The following ZFPM1 variants were observed in gnomAD, a reference collection of about 807,000 sequenced individuals.
The protein encoded by ZFPM1 is zinc finger protein, FOG family member 1, also known as zinc finger protein ZFPM1.
In ZFPM1, 28 loss-of-function variants were observed where a neutral mutation model predicts 46.3. The ratio of observed to expected loss-of-function variants is 0.60; its 90% CI spans 0.45 to 0.83. The LOEUF (loss-of-function observed/expected upper bound fraction) is 0.83, where lower values mean the gene tolerates loss of function less well. Among genes scored for constraint, ZFPM1 ranks in the 40% least tolerant of loss-of-function variants. The pLI is 0.00. For missense variants in ZFPM1, 1,878 were observed against 1,432.4 expected, an observed-to-expected ratio of 1.31 and a Z score of -5.02; for synonymous variants, 957 against 675.9, an observed-to-expected ratio of 1.42 and a Z score of -6.45.
intron 4 of ZFPM1, among the ~76,000 whole-genome samples, chr16:88,523,373 C>T (rs900188997): frequency 5.9e-5 from 9 of 152,184 alleles, no homozygotes; most frequent in African/African-American, 1.2e-4. Context: ...GACCCGTGCC[C>T]GGCCAGCCCC....
intron 1 of ZFPM1, among the ~76,000 whole-genome samples, chr16:88,482,837 G>A (rs1260607203): frequency 6.6e-6 from 1 of 152,224 alleles, no homozygotes; most frequent in Admixed American, 6.5e-5. Context: ...GCCGGGCTGA[G>A]CTGATCGTTC....
chr16:88,478,849 A>C (rs17175810), intron 1 of ZFPM1, among the ~76,000 whole-genome samples: 70,727 of 152,080 alleles, frequency 0.47, 18,321 homozygotes, highest in African/African-American at 0.7. Context: ...TGGGTTTAAG[A>C]AGCCAGGTGA....
Position 88,461,045 on chromosome 16 carries a change from GCGGGAGGCCC to G in ZFPM1, c.40+7368_40+7377del. On this transcript the variant is annotated intron_variant, in intron 1 of 9. Transcript: ENST00000319555. Reference sequence around the variant, plus strand: ...CGGGAGGCCTGGTGAGGACCGAGGGGCGGGAGGCCCTGGTGAGGACCCAGGGGCAGAAGGT... The same window carrying G: ...CGGGAGGCCTGGTGAGGACCGAGGGGTGGTGAGGACCCAGGGGCAGAAGGT... Among the ~76,000 whole-genome samples the G allele has an allele frequency of 2.5e-5, 3 of 121,948 alleles. 1 individual carries two copies. The highest frequency in any genetic ancestry group is 1.0e-4 in the African/African-American group (3 of 28,840). The allele number at this position is 121,948 out of a possible 152,430, so 80.0% of individuals were successfully genotyped here.
In ZFPM1 at chr16:88,532,173, C is replaced by A. The variant is rs772973552; in HGVS notation, c.884C>A (p.Pro295His). ...CCCAACGAGCGCGTCTGCCCCTTCC[C>A]CCAGTGCCGCAAGAGCTGCCCCAGC... is the stretch of plus-strand genomic sequence containing the variant. ...TYPNERVCPFPQCRKSCPSAS... is the reference protein window; with the variant it reads ...TYPNERVCPFHQCRKSCPSAS... Residue 295 changes from proline to histidine, a missense_variant, in exon 7 of 10, where the codon CCC becomes CAC. Pro to His is a moderately conservative substitution (Grantham distance 77, BLOSUM62 -2). Transcript: ENST00000319555. 3 of 1,611,934 alleles carry A rather than the reference C, an allele frequency of 1.9e-6. No homozygotes were observed. In the Admixed American group the frequency reaches 5.0e-5, roughly 27 times the overall value.
Position 88,533,375 on chromosome 16 carries a change from GC to G in ZFPM1, c.1422del (p.Ile475SerfsTer323). The G allele has an allele frequency of 6.5e-7, 1 of 1,528,062 alleles. No homozygotes were observed. 94.7% of individuals were successfully genotyped at this position (1,528,062 alleles called of 1,614,324 possible). ...GGAGGCGGTGGAGGAGCCGGAGGCGGCCCCCATCCTGGGCCCCGGAGAGCCT... is the reference window on the plus strand; with the variant it reads ...GGAGGCGGTGGAGGAGCCGGAGGCGGCCCCATCCTGGGCCCCGGAGAGCCT... Reference protein sequence around the residue: ...KVEAVEEPEAAPILGPGEPGP... With the variant: ...KVEAVEEPEAXPILGPGEPGP... On this transcript the variant is annotated frameshift_variant, in exon 10 of 10. Coordinates refer to ENST00000319555, the MANE Select transcript of ZFPM1 (RefSeq NM_153813.3). LOFTEE classifies it low-confidence loss of function (END_TRUNC).
chr16:88,483,248 C>A (rs944771085), intron 1 of ZFPM1, among the ~76,000 whole-genome samples: 1 of 150,718 alleles, frequency 6.6e-6, no homozygotes, highest in Non-Finnish European at 1.5e-5. Flanking sequence ...CTGTCCAGGA[C>A]CCCCCATGGC....
At chr16:88,488,801 T>A (rs1344599639) in intron 2 of ZFPM1, among the ~76,000 whole-genome samples, 1 of 152,198 alleles carries the variant, frequency 6.6e-6, no homozygotes, top group Non-Finnish European at 1.5e-5. Flanking sequence ...GCAGCTGGAA[T>A]AACAATTATC....
chr16:88,490,202 T>C (rs1002611662), intron 3 of ZFPM1, among the ~76,000 whole-genome samples: 2 of 152,064 alleles, frequency 1.3e-5, no homozygotes, highest in African/African-American at 2.4e-5. Flanking sequence ...TACAGGTGCC[T>C]GCCACCATGC....
chr16:88,501,314 G>A lies in ZFPM1; in HGVS notation c.268+12161G>A, dbSNP rs113777477. On this transcript the variant is annotated intron_variant, in intron 3 of 9. Coordinates refer to ENST00000319555, the MANE Select transcript of ZFPM1 (RefSeq NM_153813.3). ...CCCTCCCGCAGGTGCTGGTGATGATGGAGATAGCAGACATGGGTGCGGGGC... is the reference window on the plus strand; with the variant it reads ...CCCTCCCGCAGGTGCTGGTGATGATAGAGATAGCAGACATGGGTGCGGGGC... Among the ~76,000 whole-genome samples, 680 of 105,300 alleles carry A rather than the reference G, an allele frequency of 6.5e-3. 3 individuals carry two copies. The highest frequency in any genetic ancestry group is 0.014 in the South Asian group (44 of 3,046). The allele number at this position is 105,300 out of a possible 152,430, so 69.1% of individuals were successfully genotyped here.
At chr16:88,518,743 GGATGGA>G (rs2142444125) in intron 4 of ZFPM1, among the ~76,000 whole-genome samples, 1 of 113,240 alleles carries the variant, frequency 8.8e-6, no homozygotes, top group South Asian at 2.7e-4. Flanking sequence ...GAGGGTGGAT[GGATGGA>G]TGGATGGATG....
intron 3 of ZFPM1, among the ~76,000 whole-genome samples, chr16:88,501,582 G>GGGCCATCCCACA (rs1392116322): frequency 1.6e-5 from 2 of 125,846 alleles, no homozygotes; most frequent in Non-Finnish European, 1.7e-5. Flanking sequence ...TAGCGGGTGT[G>GGGCCATCCCACA]GGTGCATGGG....
At chr16:88,472,290 C>T (rs191264402) in intron 1 of ZFPM1, among the ~76,000 whole-genome samples, 108 of 152,222 alleles carry the variant, frequency 7.1e-4, no homozygotes, top group African/African-American at 2.5e-3. Context: ...GAAGAGGCAC[C>T]AGAGCGCCTG....
chr16:88,527,906 C>T, intron 5 of ZFPM1, 126 bp from the exon 6 acceptor site: 2 of 968,378 alleles, frequency 2.1e-6, no homozygotes, highest in Non-Finnish European at 2.9e-6. Flanking sequence ...ATGGCCCTGG[C>T]AGCCAGCCAG....
Position 88,455,239 on chromosome 16 carries a change from C to G in ZFPM1, c.40+1561C>G, listed in dbSNP as rs548833433. 9.2e-5 allele frequency among the ~76,000 whole-genome samples: 14 copies of G among 152,164 alleles called. No homozygotes were observed. The South Asian group carries it at 2.7e-3, about 29-fold the overall frequency. ...GAGATCGCAGGTTGGAAACCGATCT[C>G]CAGCGCTGATAAGGCCGCCAGCGCC... On this transcript the variant is annotated intron_variant, in intron 1 of 9. Transcript: ENST00000319555.
At chr16:88,494,698 G>A (rs967724458) in intron 3 of ZFPM1, among the ~76,000 whole-genome samples, 1 of 152,134 alleles carries the variant, frequency 6.6e-6, no homozygotes, top group South Asian at 2.1e-4. Context: ...CGAGGCGGGC[G>A]TGGACAGGCA....
In ZFPM1 at chr16:88,471,885, C is replaced by T. The variant is rs996090532; in HGVS notation, c.41-14054C>T. Among the ~76,000 whole-genome samples the T allele has an allele frequency of 1.1e-4, 17 of 152,252 alleles. No homozygotes were observed. Among genetic ancestry groups the T allele is most frequent in the Non-Finnish European group, 2.2e-4 (15 of 68,042 alleles). On this transcript the variant is annotated intron_variant, in intron 1 of 9. Transcript: ENST00000319555. This position sits in a 1 kb window ranked among gnomAD's most constrained non-coding sequence, Gnocchi z 4.1. ...CCGGCTGGCTGTGCACCATGTTCCA[C>T]TGGGTTATTCCTGAGGGGACCTGCA...
chr16:88,534,709 C>T lies in ZFPM1; in HGVS notation c.2751C>T (p.Pro917=), dbSNP rs1160334649. The change falls in exon 10 of 10, where the codon CCC becomes CCT. Residue 917 remains proline (P), a synonymous_variant. Transcript: ENST00000319555. ...CCCCGCAGCCCGGGTCCCGTGGCCC[C>T]CGGGACGGCCTCGGCCCGGAGCCCC... ...AASPQPGSRG[P]RDGLGPEPQE... The T allele has an allele frequency of 2.2e-5, 22 of 982,130 alleles. 1 individual carries two copies. The highest frequency in any genetic ancestry group is 2.4e-5 in the Non-Finnish European group (20 of 828,382). The allele number at this position is 982,130 out of a possible 1,614,324, so 60.8% of individuals were successfully genotyped here. A position where few individuals can be genotyped will look rare whatever the true frequency, so the allele number is the denominator to read the frequency against.
chr16:88,533,513 G>A lies in ZFPM1; in HGVS notation c.1555G>A (p.Gly519Ser). 2 of 1,417,486 alleles carry A rather than the reference G, an allele frequency of 1.4e-6. No individual in the cohort carries two copies. The highest frequency in any genetic ancestry group is 1.4e-5 in the South Asian group (1 of 72,928). 87.8% of individuals were successfully genotyped at this position (1,417,486 alleles called of 1,614,324 possible). A position where few individuals can be genotyped will look rare whatever the true frequency, so the allele number is the denominator to read the frequency against. ...CTCCAGCCCGGTGCCCGGCGAGCTG[G>A]GCCTGGCCGGGGCCCTGTTCCTTCC... ...PGSSPVPGEL[G>S]LAGALFLPQY... is the part of the protein sequence containing the mutation. The change falls in exon 10 of 10, where the codon GGC (glycine) becomes AGC (serine). Residue 519 changes from glycine (G) to serine (S), a missense_variant. Gly to Ser is a moderately conservative substitution (Grantham distance 56). Coordinates refer to ENST00000319555, the MANE Select transcript of ZFPM1 (RefSeq NM_153813.3).
In ZFPM1 at chr16:88,471,149, T is replaced by A. The variant is rs1250389397; in HGVS notation, c.41-14790T>A. 6.6e-6 allele frequency among the ~76,000 whole-genome samples: 1 copy of A among 152,164 alleles called. No homozygotes were observed. Among genetic ancestry groups the A allele is most frequent in the African/African-American group, 2.4e-5 (1 of 41,432 alleles). ...CCAGCTCCCCTGCAGCCATGATAGA[T>A]AGACCAGACTTTTCCTCTCCACTTA... On this transcript the variant is annotated intron_variant, in intron 1 of 9. Coordinates refer to ENST00000319555, the MANE Select transcript of ZFPM1 (RefSeq NM_153813.3). The surrounding 1 kb of genome is among the most constrained non-coding windows in gnomAD (Gnocchi z 4.1).
Sources: allele counts gnomAD v4.1 joint callset (sites outside exome capture counted in the v4.1 genomes callset), GRCh38; gene constraint gnomAD v4.1.1; non-coding constraint Gnocchi (gnomAD v3.1); transcripts MANE v1.5; gene names NCBI Gene and HGNC (gene_info 2026-07-23, HGNC 2026-07-21).